The following VCF1 variants were observed in gnomAD, a reference collection of about 807,000 sequenced individuals.
The protein encoded by VCF1 is VCP nuclear cofactor family member 1.
the VCF1 span, among the ~76,000 whole-genome samples, chr17:73,222,327 A>G: frequency 6.6e-6 from 1 of 151,936 alleles, no homozygotes; most frequent in East Asian, 1.9e-4. Flanking sequence ...CTAATCAGAG[A>G]TTTGGAAAAA....
chr17:73,209,378 C>T, the VCF1 span: 1 of 1,055,176 alleles, frequency 9.5e-7, no homozygotes, highest in Non-Finnish European at 1.3e-6. Flanking sequence ...CACAAGTAAA[C>T]AACTGCCTGT....
At chr17:73,207,985 A>G in the VCF1 span, 7 of 1,269,992 alleles carry the variant, frequency 5.5e-6, no homozygotes, top group South Asian at 3.2e-5. Flanking sequence ...AGCATGGGCT[A>G]TGTTGCAGCC....
At chr17:73,225,870 AT>A in the VCF1 span, among the ~76,000 whole-genome samples, 1,188 of 62,934 alleles carry the variant, frequency 0.019, 17 homozygotes, top group African/African-American at 0.059. Context: ...GGAAAAAAAT[AT>A]ATATATATAT....
the VCF1 span, chr17:73,209,635 A>G: frequency 1.9e-6 from 3 of 1,560,834 alleles, no homozygotes; most frequent in Non-Finnish European, 2.6e-6. Context: ...CTGCTCGGGC[A>G]CGGGCTGAGG....
chr17:73,211,567 CA>C, the VCF1 span, among the ~76,000 whole-genome samples: 44 of 132,044 alleles, frequency 3.3e-4, no homozygotes, highest in Non-Finnish European at 3.2e-4. Flanking sequence ...GACTTCATCT[CA>C]AAAAAAAAAA....
chr17:73,224,940 C>CACAGGACAGG, the VCF1 span, among the ~76,000 whole-genome samples: 10 of 107,388 alleles, frequency 9.3e-5, no homozygotes, highest in East Asian at 3.0e-4. Flanking sequence ...GACAGCACAG[C>CACAGGACAGG]ACAGCACAGC....
chr17:73,209,709 C>G, the VCF1 span: 5 of 1,547,244 alleles, frequency 3.2e-6, no homozygotes, highest in East Asian at 1.2e-4. Context: ...TGGCCCTGTC[C>G]GGGCTATTGA....
the VCF1 span, among the ~76,000 whole-genome samples, chr17:73,228,325 C>G: frequency 6.6e-6 from 1 of 152,222 alleles, no homozygotes; most frequent in Admixed American, 6.5e-5. Context: ...AAAGCATGTA[C>G]ATTTGGAGGA....
the VCF1 span, chr17:73,208,126 C>CA: frequency 6.8e-7 from 1 of 1,467,338 alleles, no homozygotes; most frequent in Non-Finnish European, 9.0e-7. Flanking sequence ...AGTTTTGTCA[C>CA]AAAGGCTCAT....
chr17:73,208,998 G>C, the VCF1 span: 4 of 218,566 alleles, frequency 1.8e-5, no homozygotes, highest in Non-Finnish European at 2.8e-5. Context: ...TTACACAGGA[G>C]AGAGTACTTT....
At chr17:73,232,004 C>G in the VCF1 span, 2 of 1,433,740 alleles carry the variant, frequency 1.4e-6, no homozygotes, top group Non-Finnish European at 1.9e-6. Context: ...ACTCTTGCTC[C>G]GACCCCCATT....
chr17:73,208,216 T>C, the VCF1 span: 1 of 1,600,432 alleles, frequency 6.2e-7, no homozygotes, highest in South Asian at 1.1e-5. Context: ...GCTCCGCTTG[T>C]GTGTGCCGTG....
the VCF1 span, chr17:73,208,710 A>G: frequency 2.0e-6 from 1 of 505,204 alleles, no homozygotes; most frequent in Non-Finnish European, 3.6e-6. Context: ...TGTTGACACT[A>G]CAAGGTGGAA....
chr17:73,212,927 G>C, the VCF1 span, among the ~76,000 whole-genome samples: 1 of 151,890 alleles, frequency 6.6e-6, no homozygotes, highest in Non-Finnish European at 1.5e-5. Context: ...TTTAGGGTTA[G>C]GTAGATTTGC....
chr17:73,229,061 A>G, the VCF1 span, among the ~76,000 whole-genome samples: 1 of 152,194 alleles, frequency 6.6e-6, no homozygotes, highest in East Asian at 1.9e-4. Context: ...TGGCAGAGGG[A>G]CTGTAAGAAC....
At chr17:73,230,864 AT>A in the VCF1 span, among the ~76,000 whole-genome samples, 2 of 152,232 alleles carry the variant, frequency 1.3e-5, no homozygotes, top group African/African-American at 4.8e-5. Flanking sequence ...ATGCATTCAG[AT>A]TAGTTATGTA....
At chr17:73,208,093 GAC>G in the VCF1 span, 1 of 1,440,392 alleles carries the variant, frequency 6.9e-7, no homozygotes, top group Non-Finnish European at 9.1e-7. Flanking sequence ...CTTTTCCCAA[GAC>G]AGTCCTCATT....
the VCF1 span, among the ~76,000 whole-genome samples, chr17:73,211,791 T>G: frequency 4.0e-5 from 6 of 149,576 alleles, no homozygotes; most frequent in Admixed American, 4.0e-4. Flanking sequence ...ACCCGGGAGG[T>G]GAAGGTTGCA....
chr17:73,218,180 A>G, the VCF1 span, among the ~76,000 whole-genome samples: 1 of 152,186 alleles, frequency 6.6e-6, no homozygotes, highest in African/African-American at 2.4e-5. Context: ...AATGCAAGAG[A>G]TGATCCCAGC....
Sources: gnomAD v4.1 joint callset for allele counts (sites outside exome capture counted in the v4.1 genomes callset) on GRCh38, gnomAD v4.1.1 for gene constraint, MANE v1.5 for transcripts, NCBI Gene and HGNC (gene_info 2026-07-23, HGNC 2026-07-21) for gene names.